Variants in COL24A1 observed in about 807,000 individuals in gnomAD.
COL24A1 encodes collagen type XXIV alpha 1 chain, also known as collagen alpha-1(XXIV) chain.
Under a neutral mutation model 253.9 loss-of-function variants are expected in COL24A1, and 224 were observed. That is an observed-to-expected ratio of 0.88 (90% confidence interval 0.79 to 0.99). COL24A1 has a LOEUF of 0.99. Ranked by LOEUF, COL24A1 falls within the 50% of genes least tolerant of loss-of-function variation. The probability of loss-of-function intolerance (pLI) is 0.00; values close to 1 mark genes in which losing one functional copy is unlikely to be tolerated. For synonymous variants in COL24A1, 685 were observed against 673.7 expected, an observed-to-expected ratio of 1.02 and a Z score of -0.26; for missense variants, 2,131 against 2,068.5, an observed-to-expected ratio of 1.03 and a Z score of -0.59.
intron 1 of COL24A1, among the ~76,000 whole-genome samples, chr1:86,150,106 T>C (rs1181789700): frequency 2.6e-5 from 4 of 152,194 alleles, no homozygotes; most frequent in African/African-American, 7.2e-5. Context: ...AAAGACCTTG[T>C]ATATGTCTGA....
chr1:85,895,294 C>G (rs1281167780), intron 31 of COL24A1, among the ~76,000 whole-genome samples: 1 of 152,168 alleles, frequency 6.6e-6, no homozygotes, highest in African/African-American at 2.4e-5. Context: ...ATTAACAACT[C>G]TTAAGCAGTG....
At position 86,031,879 on chromosome 1, in the gene COL24A1, C is replaced by G; in HGVS notation, c.2048G>C (p.Arg683Thr). The G allele has an allele frequency of 6.2e-7, 1 of 1,606,592 alleles. No individual in the cohort carries two copies. Among genetic ancestry groups the G allele is most frequent in the South Asian group, 1.1e-5 (1 of 89,610 alleles). Reference sequence around the variant, plus strand: ...ATGATGATATTTAGTGATACTCACTCTAAGCCCAGGAAACCCCGGAGGACC... The same window carrying G: ...ATGATGATATTTAGTGATACTCACTGTAAGCCCAGGAAACCCCGGAGGACC... Reference protein sequence around the residue: ...GTGPPGFPGLRGSVGPVGPIG... With the variant: ...GTGPPGFPGLTGSVGPVGPIG... Residue 683 changes from arginine to threonine, a missense_variant and splice_region_variant, in exon 14 of 60, where the codon AGA becomes ACA. By Grantham distance (71) the Arg-to-Thr change is moderately conservative. Transcript: ENST00000370571.
chr1:85,871,668 C>A (rs145566671), intron 35 of COL24A1, among the ~76,000 whole-genome samples: 60,621 of 151,592 alleles, frequency 0.4, 12,706 homozygotes, highest in South Asian at 0.59. Flanking sequence ...AAAAACTCTC[C>A]ATTAATTAGG....
chr1:85,870,696 CA>C (rs1226453406), intron 35 of COL24A1, among the ~76,000 whole-genome samples: 1 of 152,176 alleles, frequency 6.6e-6, no homozygotes, highest in Non-Finnish European at 1.5e-5. Context: ...ACATTTAAAG[CA>C]GTATGTAGAG....
intron 31 of COL24A1, among the ~76,000 whole-genome samples, chr1:85,893,298 CA>C (rs77429736): frequency 0.32 from 47,504 of 150,240 alleles, 8,432 homozygotes; most frequent in East Asian, 0.51. Context: ...TATTTTTTAA[CA>C]AAAAAAGGAT....
At chr1:85,816,057 C>A (rs1209393281) in intron 47 of COL24A1, among the ~76,000 whole-genome samples, 2 of 152,086 alleles carry the variant, frequency 1.3e-5, no homozygotes, top group African/African-American at 4.8e-5. Context: ...ATAATGTGGA[C>A]TTTTCCTCAC....
chr1:85,923,017 A>T (rs1442763456), intron 24 of COL24A1, among the ~76,000 whole-genome samples: 1 of 152,118 alleles, frequency 6.6e-6, no homozygotes, highest in Non-Finnish European at 1.5e-5. Flanking sequence ...AGGGGTTGTA[A>T]TCCTAGTCTC....
intron 23 of COL24A1, among the ~76,000 whole-genome samples, chr1:85,963,923 T>TA (rs150284188): frequency 0.042 from 6,425 of 152,204 alleles, 225 homozygotes; most frequent in African/African-American, 0.09. Flanking sequence ...TGTTTGTAAA[T>TA]ACTACAATCC....
chr1:86,061,631 C>A (rs1701097776), intron 8 of COL24A1, among the ~76,000 whole-genome samples: 1 of 151,930 alleles, frequency 6.6e-6, no homozygotes, highest in Admixed American at 6.6e-5. Flanking sequence ...CAGCAGTAAA[C>A]AAAATAAACA....
intron 37 of COL24A1, among the ~76,000 whole-genome samples, chr1:85,860,571 C>G (rs144247264): frequency 0.011 from 1,682 of 152,258 alleles, 23 homozygotes; most frequent in African/African-American, 0.038. Flanking sequence ...GAAATCCCAT[C>G]TCTACTAAAA....
chr1:85,845,787 C>T (rs1677088169), intron 39 of COL24A1, among the ~76,000 whole-genome samples: 1 of 151,342 alleles, frequency 6.6e-6, no homozygotes, highest in Non-Finnish European at 1.5e-5. Context: ...ATAAACTTAA[C>T]AAGAAAGATT....
At chr1:86,103,901 T>C (rs1170519717) in intron 5 of COL24A1, among the ~76,000 whole-genome samples, 1 of 152,212 alleles carries the variant, frequency 6.6e-6, no homozygotes, top group African/African-American at 2.4e-5. Context: ...CGGGGTTCTC[T>C]GTATTTCCTA....
chr1:85,912,929 T>C (rs1685514169), intron 24 of COL24A1, among the ~76,000 whole-genome samples: 1 of 152,226 alleles, frequency 6.6e-6, no homozygotes, highest in African/African-American at 2.4e-5. Flanking sequence ...TTGGTGTAAA[T>C]GAAATATTAC....
intron 43 of COL24A1, among the ~76,000 whole-genome samples, chr1:85,828,040 G>C (rs867008393): frequency 0.023 from 3,478 of 151,934 alleles, 128 homozygotes; most frequent in African/African-American, 0.077. Context: ...ATCTTTCCTG[G>C]TTTCTCTTCT....
chr1:86,094,737 G>A (rs1024431799), intron 5 of COL24A1, among the ~76,000 whole-genome samples: 12 of 151,948 alleles, frequency 7.9e-5, no homozygotes, highest in African/African-American at 2.4e-4. Context: ...TGGTTACAAG[G>A]TTATGAAACC....
chr1:85,918,651 T>C (rs1331756401), intron 24 of COL24A1, among the ~76,000 whole-genome samples: 1 of 152,174 alleles, frequency 6.6e-6, no homozygotes, highest in Non-Finnish European at 1.5e-5. Context: ...AAATAATAGA[T>C]GAATTAGACA....
intron 1 of COL24A1, among the ~76,000 whole-genome samples, chr1:86,151,226 C>A (rs1053895463): frequency 3.9e-5 from 6 of 152,028 alleles, no homozygotes; most frequent in Admixed American, 1.3e-4. Flanking sequence ...GTTGTTAATT[C>A]ATTCATATAT....
At chr1:85,959,551 C>T (rs553001125) in intron 24 of COL24A1, among the ~76,000 whole-genome samples, 1 of 152,204 alleles carries the variant, frequency 6.6e-6, no homozygotes, top group East Asian at 1.9e-4. Context: ...GCTCCAGATT[C>T]CTAATTTTAA....
intron 24 of COL24A1, among the ~76,000 whole-genome samples, chr1:85,926,371 C>G (rs555929722): frequency 6.6e-6 from 1 of 152,330 alleles, no homozygotes; most frequent in African/African-American, 2.4e-5. Context: ...AAGACACATG[C>G]ACACGTATGT....
Sources: allele counts gnomAD v4.1 joint callset (sites outside exome capture counted in the v4.1 genomes callset), GRCh38; gene constraint gnomAD v4.1.1; transcripts MANE v1.5; gene names NCBI Gene and HGNC (gene_info 2026-07-23, HGNC 2026-07-21).